DYNC2LI1: variants seen among roughly 807,000 people sequenced by gnomAD.
DYNC2LI1 encodes the protein dynein cytoplasmic 2 light intermediate chain 1, also known as cytoplasmic dynein 2 light intermediate chain 1.
DYNC2LI1 carries 45 observed loss-of-function variants against 51.9 expected under a neutral mutation model. That is an observed-to-expected ratio of 0.87 (90% CI 0.68 to 1.11). The LOEUF (loss-of-function observed/expected upper bound fraction) is 1.11. Ranked by LOEUF, DYNC2LI1 falls within the 50% of genes most tolerant of loss-of-function variation. The pLI is 0.00. For missense variants in DYNC2LI1, 490 were observed against 417.4 expected, an observed-to-expected ratio of 1.17 and a Z score of -1.51; for synonymous variants, 130 against 137.8, an observed-to-expected ratio of 0.94 and a Z score of 0.40.
intron 8 of DYNC2LI1, 120 bp from the exon 9 acceptor site, chr2:43,800,721 G>T: frequency 2.0e-6 from 1 of 510,754 alleles, no homozygotes. Context: ...AGAAGTATTT[G>T]CTGGGCAACA....
rs1673385488 is a variant in DYNC2LI1 at position 43,783,475 on chromosome 2, A to G, written c.127-45A>G. ...TTACGAACAATAATACAATTTTTACATATGAGTGACATTAACGCAGTGTTC... is the reference window on the plus strand; with the variant it reads ...TTACGAACAATAATACAATTTTTACGTATGAGTGACATTAACGCAGTGTTC... On this transcript the variant is annotated intron_variant, in intron 2 of 12. Coordinates refer to ENST00000260605, the MANE Select transcript of DYNC2LI1 (RefSeq NM_016008.4). 6.5e-6 allele frequency: 9 copies of G among 1,380,130 alleles called. No homozygotes were observed. The East Asian group carries it at 1.0e-4, about 15-fold the overall frequency. The allele number at this position is 1,380,130 out of a possible 1,614,324, so 85.5% of individuals were successfully genotyped here.
chr2:43,776,446 A>G (rs1432587548), intron 1 of DYNC2LI1, among the ~76,000 whole-genome samples: 3 of 152,182 alleles, frequency 2.0e-5, no homozygotes, highest in Non-Finnish European at 4.4e-5. Context: ...CAAGTTGTAC[A>G]TTCCCAAAGT....
At chr2:43,822,036 T>C in the DYNC2LI1 span, among the ~76,000 whole-genome samples, 8 of 152,190 alleles carry the variant, frequency 5.3e-5, no homozygotes, top group African/African-American at 1.9e-4. Context: ...ACTCTCAATC[T>C]GATGTTTTTT....
chr2:43,779,279 A>G (rs1484519901), intron 2 of DYNC2LI1, among the ~76,000 whole-genome samples: 1 of 152,194 alleles, frequency 6.6e-6, no homozygotes, highest in Non-Finnish European at 1.5e-5. Context: ...AAAGAAAGAA[A>G]AAAGTATCTG....
chr2:43,812,912 C>G, downstream of DYNC2LI1: 1 of 577,248 alleles, frequency 1.7e-6, no homozygotes, highest in Non-Finnish European at 3.1e-6. Context: ...CATGTCCCTG[C>G]AAGTTGTAAG....
At chr2:43,784,945 TA>T (rs1673456420) in intron 3 of DYNC2LI1, among the ~76,000 whole-genome samples, 1 of 152,156 alleles carries the variant, frequency 6.6e-6, no homozygotes, top group Admixed American at 6.5e-5. Flanking sequence ...GAATATTCAA[TA>T]AACATAATTA....
the DYNC2LI1 span, among the ~76,000 whole-genome samples, chr2:43,826,968 G>T: frequency 6.6e-6 from 1 of 152,216 alleles, no homozygotes; most frequent in Non-Finnish European, 1.5e-5. Context: ...ATAAAACAAG[G>T]CCTGAAGTGT....
downstream of DYNC2LI1, among the ~76,000 whole-genome samples, chr2:43,810,222 G>A (rs1247900395): frequency 6.6e-6 from 1 of 152,286 alleles, no homozygotes; most frequent in South Asian, 2.1e-4. Flanking sequence ...TTAACAGTGA[G>A]GCGCAAGAAG....
chr2:43,790,876 TAAGTG>T (rs1375101502), intron 5 of DYNC2LI1, among the ~76,000 whole-genome samples: 1 of 152,094 alleles, frequency 6.6e-6, no homozygotes, highest in Admixed American at 6.6e-5. Flanking sequence ...TGGTGACAAA[TAAGTG>T]AAGCTGCCTG....
the DYNC2LI1 span, chr2:43,828,291 T>C: frequency 1.2e-6 from 1 of 866,058 alleles, no homozygotes; most frequent in Non-Finnish European, 1.8e-6. Flanking sequence ...CCAATTCGGC[T>C]TAAATCGTAA....
intron 5 of DYNC2LI1, chr2:43,792,996 A>G (rs1186657812): frequency 2.2e-6 from 1 of 447,346 alleles, no homozygotes; most frequent in Admixed American, 4.6e-5. Context: ...CTCTTCCTTC[A>G]GTTCTTTTGG....
intron 8 of DYNC2LI1, among the ~76,000 whole-genome samples, chr2:43,798,723 A>G (rs963110056): frequency 1.3e-5 from 2 of 152,206 alleles, no homozygotes; most frequent in African/African-American, 4.8e-5. Context: ...TCAGCTTTTA[A>G]TAAGCCTAAA....
chr2:43,782,427 C>G lies in DYNC2LI1; in HGVS notation c.127-1093C>G, dbSNP rs374994819. Among the ~76,000 whole-genome samples, 6 of 150,236 alleles carry G rather than the reference C, an allele frequency of 4.0e-5. No homozygotes were observed. The East Asian group carries it at 7.8e-4, about 20-fold the overall frequency. ...AACAAAAACACATATAATAAGTGTT[C>G]TGTGTTTTTGGCAATCCAGAGTTTT... On this transcript the variant is annotated intron_variant, in intron 2 of 12. Coordinates refer to ENST00000260605, the MANE Select transcript of DYNC2LI1 (RefSeq NM_016008.4).
rs775149572 is a variant in DYNC2LI1 at position 43,794,623 on chromosome 2, A to G, written c.487A>G (p.Asn163Asp). The G allele has an allele frequency of 6.2e-7, 1 of 1,614,000 alleles. No individual in the cohort carries two copies. Among genetic ancestry groups the G allele is most frequent in the African/African-American group, 1.3e-5 (1 of 74,926 alleles). ...VSEMRQKIWN[N>D]MPKDHPDHEL... ...TGAAATGAGACAGAAGATCTGGAAT[A>G]ATATGCCGAAGGATCATCCTGTGAG... The change falls in exon 6 of 13, where the codon AAT (asparagine) becomes GAT (aspartate). Residue 163 changes from asparagine (N) to aspartate (D), a missense_variant. Physicochemically the swap from Asn to Asp is conservative, Grantham distance 23 (BLOSUM62 1). Coordinates refer to ENST00000260605, the MANE Select transcript of DYNC2LI1 (RefSeq NM_016008.4).
downstream of DYNC2LI1, among the ~76,000 whole-genome samples, chr2:43,810,833 G>C (rs541595884): frequency 4.6e-5 from 7 of 152,152 alleles, no homozygotes; most frequent in Non-Finnish European, 8.8e-5. Flanking sequence ...TGAACATTAT[G>C]ATCTCAGAAA....
chr2:43,796,006 G>A (rs756621041), intron 7 of DYNC2LI1, 48 bp downstream of exon 7: 15 of 1,328,776 alleles, frequency 1.1e-5, no homozygotes, highest in Non-Finnish European at 1.4e-5. Flanking sequence ...ATATGGCTGT[G>A]CTTTTTATGA....
chr2:43,810,225 G>A (rs146018312), downstream of DYNC2LI1, among the ~76,000 whole-genome samples: 44 of 152,292 alleles, frequency 2.9e-4, no homozygotes, highest in Middle Eastern at 3.4e-3. Context: ...ACAGTGAGGC[G>A]CAAGAAGCAC....
intron 2 of DYNC2LI1, among the ~76,000 whole-genome samples, chr2:43,780,140 AAG>A (rs1434144219): frequency 3.3e-5 from 5 of 152,194 alleles, no homozygotes; most frequent in African/African-American, 1.2e-4. Context: ...ACTAAGGTCA[AAG>A]AGTTATTACT....
At chr2:43,828,036 G>A in the DYNC2LI1 span, 11 of 1,614,130 alleles carry the variant, frequency 6.8e-6, no homozygotes, top group East Asian at 2.5e-4. Flanking sequence ...CTCACCCGTG[G>A]AAATGCCCCC....
Sources: gnomAD v4.1 joint callset for allele counts (sites outside exome capture counted in the v4.1 genomes callset) on GRCh38, gnomAD v4.1.1 for gene constraint, MANE v1.5 for transcripts, NCBI Gene and HGNC (gene_info 2026-07-23, HGNC 2026-07-21) for gene names.